The following SGCZ variants were observed in gnomAD, a reference collection of about 807,000 sequenced individuals.
SGCZ encodes the protein sarcoglycan zeta, also known as zeta-sarcoglycan.
In SGCZ, 40 loss-of-function variants were observed where a neutral mutation model predicts 41.3. That is an observed-to-expected ratio of 0.97 (90% confidence interval 0.75 to 1.26). The LOEUF (loss-of-function observed/expected upper bound fraction) is 1.26. Among genes scored for constraint, SGCZ ranks in the 50% most tolerant of loss-of-function variants. SGCZ has a pLI of 0.00. For synonymous variants in SGCZ, 206 were observed against 137.5 expected (o/e 1.50, Z -3.49); for missense variants, 552 against 369.8 (o/e 1.49, Z -4.04).
chr8:14,143,627 A>C (rs989721636), intron 5 of SGCZ, among the ~76,000 whole-genome samples: 1 of 152,198 alleles, frequency 6.6e-6, no homozygotes, highest in Non-Finnish European at 1.5e-5. Context: ...CAAGGGCACC[A>C]ATTTAAGAAC....
intron 1 of SGCZ, among the ~76,000 whole-genome samples, chr8:14,789,573 A>G (rs1800882532): frequency 6.6e-6 from 1 of 152,106 alleles, no homozygotes; most frequent in African/African-American, 2.4e-5. Flanking sequence ...CATGCTTTAG[A>G]CCTTTCATTC....
chr8:14,108,084 G>T, intron 6 of SGCZ, 79 bp downstream of exon 6: 2 of 1,165,430 alleles, frequency 1.7e-6, no homozygotes, highest in Non-Finnish European at 1.3e-6. Flanking sequence ...TTGTCTAGTT[G>T]TCTATTTTAG....
chr8:14,406,566 G>C (rs1430057858), intron 2 of SGCZ, among the ~76,000 whole-genome samples: 2 of 152,078 alleles, frequency 1.3e-5, no homozygotes, highest in African/African-American at 4.8e-5. Flanking sequence ...TGAGCTAAGA[G>C]GTGGAACTCT....
intron 1 of SGCZ, among the ~76,000 whole-genome samples, chr8:14,762,143 G>T (rs1270908747): frequency 6.6e-6 from 1 of 152,074 alleles, no homozygotes; most frequent in Non-Finnish European, 1.5e-5. Context: ...AATAGAGATT[G>T]CATGAACATT....
intron 1 of SGCZ, among the ~76,000 whole-genome samples, chr8:15,030,313 A>G (rs952931233): frequency 2.4e-4 from 37 of 152,188 alleles, no homozygotes; most frequent in African/African-American, 8.9e-4. Flanking sequence ...TAGCACGGTG[A>G]AAATCTTTCT....
intron 1 of SGCZ, among the ~76,000 whole-genome samples, chr8:15,015,903 T>G (rs10216732): frequency 0.032 from 4,863 of 152,058 alleles, 251 homozygotes; most frequent in African/African-American, 0.11. Context: ...CTGCTTCTGT[T>G]GCTTCCATAT....
chr8:14,783,119 G>C (rs1330474703), intron 1 of SGCZ, among the ~76,000 whole-genome samples: 3 of 152,066 alleles, frequency 2.0e-5, no homozygotes, highest in Admixed American at 1.3e-4. Flanking sequence ...AAATAAATTA[G>C]GGAATTCCAA....
At chr8:14,438,319 C>T (rs548779734) in intron 2 of SGCZ, among the ~76,000 whole-genome samples, 1 of 151,920 alleles carries the variant, frequency 6.6e-6, no homozygotes, top group Non-Finnish European at 1.5e-5. Context: ...GTATTTATCA[C>T]AAATTATAAG....
At chr8:14,743,585 C>G (rs1422531483) in intron 1 of SGCZ, among the ~76,000 whole-genome samples, 2 of 151,876 alleles carry the variant, frequency 1.3e-5, no homozygotes, top group Non-Finnish European at 2.9e-5. Context: ...ACTTCAGAAT[C>G]TATACATAAA....
chr8:15,231,528 T>G (rs541995491), intron 1 of SGCZ, among the ~76,000 whole-genome samples: 1 of 150,926 alleles, frequency 6.6e-6, no homozygotes, highest in Admixed American at 6.6e-5. Flanking sequence ...ACTGAGAATA[T>G]AGATAAACCC....
chr8:14,367,302 A>G (rs1803746079), intron 2 of SGCZ, among the ~76,000 whole-genome samples: 1 of 152,046 alleles, frequency 6.6e-6, no homozygotes, highest in African/African-American at 2.4e-5. Flanking sequence ...GGTCAAAGCC[A>G]TTTGACATGT....
intron 1 of SGCZ, among the ~76,000 whole-genome samples, chr8:14,617,046 GA>G (rs746645102): frequency 1.1e-4 from 16 of 151,936 alleles, no homozygotes; most frequent in African/African-American, 1.7e-4. Context: ...ATTAGGAAGA[GA>G]AAAAAATCTT....
At position 14,431,484 on chromosome 8, in the gene SGCZ, C is replaced by G. The variant is rs566911229; in HGVS notation, c.235-107280G>C. Among the ~76,000 whole-genome samples the G allele has an allele frequency of 1.7e-4, 26 of 152,158 alleles. No individual in the cohort carries two copies. In the South Asian group the frequency reaches 2.9e-3, roughly 17 times the overall value. On this transcript the variant is annotated intron_variant, in intron 2 of 7. Coordinates refer to ENST00000382080, the MANE Select transcript of SGCZ (RefSeq NM_139167.4). Reference sequence around the variant, plus strand: ...ATTAGTGCTGGGAAAATTGGCCAGCCACATGTAGGAGAATGAAACTGGATC... The same window carrying G: ...ATTAGTGCTGGGAAAATTGGCCAGCGACATGTAGGAGAATGAAACTGGATC...
chr8:14,441,418 T>C (rs540079272), intron 2 of SGCZ, among the ~76,000 whole-genome samples: 2 of 152,064 alleles, frequency 1.3e-5, no homozygotes, highest in South Asian at 2.1e-4. Context: ...CTACTGAAAA[T>C]ACAAAAATTA....
At chr8:14,743,327 T>C (rs73199237) in intron 1 of SGCZ, among the ~76,000 whole-genome samples, 6,940 of 152,122 alleles carry the variant, frequency 0.046, 231 homozygotes, top group Non-Finnish European at 0.07. Context: ...ACATGAAAAC[T>C]ATATTTACAA....
chr8:14,903,295 C>T (rs961913896), intron 1 of SGCZ, among the ~76,000 whole-genome samples: 4 of 151,786 alleles, frequency 2.6e-5, no homozygotes, highest in African/African-American at 9.7e-5. Flanking sequence ...GAGACTTGCT[C>T]TCATACTAAA....
chr8:14,145,641 G>A lies in SGCZ; in HGVS notation c.547+18939C>T, dbSNP rs543776913. On this transcript the variant is annotated intron_variant, in intron 5 of 7. Coordinates refer to ENST00000382080, the MANE Select transcript of SGCZ (RefSeq NM_139167.4). ...GAACGGTCACACGTAACAGAGATAC[G>A]TGACCTTTTAGACAGAGAATTTAAA... is the stretch of plus-strand genomic sequence containing the variant. Among the ~76,000 whole-genome samples the A allele has an allele frequency of 1.2e-4, 18 of 152,260 alleles. No homozygotes were observed. The East Asian group carries it at 2.9e-3, about 24-fold the overall frequency.
chr8:14,309,151 C>T, intron 3 of SGCZ: 1 of 1,466,824 alleles, frequency 6.8e-7, no homozygotes. Context: ...GATGGGCACT[C>T]TGGTTTTTTA....
chr8:15,004,866 T>A (rs1329329705), intron 1 of SGCZ, among the ~76,000 whole-genome samples: 1 of 151,034 alleles, frequency 6.6e-6, no homozygotes, highest in Non-Finnish European at 1.5e-5. Flanking sequence ...CGCAATGAAC[T>A]GACGGGTTCT....
Sources: allele counts gnomAD v4.1 joint callset (sites outside exome capture counted in the v4.1 genomes callset), GRCh38; gene constraint gnomAD v4.1.1; transcripts MANE v1.5; gene names NCBI Gene and HGNC (gene_info 2026-07-23, HGNC 2026-07-21).